The following ACBD6 variants were observed in gnomAD, a reference collection of about 807,000 sequenced individuals.
ACBD6 encodes acyl-CoA binding domain containing 6.
ACBD6 carries 28 observed loss-of-function variants against 37.2 expected under a neutral mutation model. The observed-to-expected ratio is 0.75, with a 90% CI of 0.56 to 1.03. ACBD6 has a LOEUF of 1.03. Among genes scored for constraint, ACBD6 ranks in the 50% least tolerant of loss-of-function variants. The pLI is 0.00. For missense variants in ACBD6, 340 were observed against 337.4 expected (o/e 1.01, Z -0.06); for synonymous variants, 113 against 126.8 (o/e 0.89, Z 0.73).
At chr1:180,298,629 T>C (rs1571330964) in intron 7 of ACBD6, among the ~76,000 whole-genome samples, 1 of 152,226 alleles carries the variant, frequency 6.6e-6, no homozygotes, top group Non-Finnish European at 1.5e-5. Context: ...AAATGCTACC[T>C]GAGGCTAATA....
intron 3 of ACBD6, among the ~76,000 whole-genome samples, chr1:180,479,692 A>G (rs1045943897): frequency 2.0e-5 from 3 of 152,220 alleles, no homozygotes; most frequent in East Asian, 1.9e-4. Context: ...GGTACCCCAT[A>G]TATTTGTAGG....
At chr1:180,392,137 TCAGGG>T (rs1654100528) in intron 6 of ACBD6, among the ~76,000 whole-genome samples, 2 of 152,250 alleles carry the variant, frequency 1.3e-5, no homozygotes, top group African/African-American at 2.4e-5. Context: ...AATAGTCACC[TCAGGG>T]TGGAAGTGAA....
chr1:180,323,112 G>A, intron 6 of ACBD6, among the ~76,000 whole-genome samples: 1 of 151,756 alleles, frequency 6.6e-6, no homozygotes, highest in Non-Finnish European at 1.5e-5. Flanking sequence ...TTGACTCACT[G>A]GTCATTCAGG....
chr1:180,364,997 T>C (rs1231303813), intron 6 of ACBD6, among the ~76,000 whole-genome samples: 1 of 152,128 alleles, frequency 6.6e-6, no homozygotes, highest in African/African-American at 2.4e-5. Flanking sequence ...CCTCCCAAAG[T>C]GCTGGGATTA....
intron 3 of ACBD6, among the ~76,000 whole-genome samples, chr1:180,474,501 T>C (rs140560430): frequency 9.3e-4 from 142 of 152,182 alleles, no homozygotes; most frequent in Admixed American, 1.8e-3. Context: ...GAGAAAATAA[T>C]TCAGGTATCT....
intron 3 of ACBD6, among the ~76,000 whole-genome samples, chr1:180,456,658 T>C (rs761202609): frequency 2.2e-4 from 34 of 152,226 alleles, no homozygotes; most frequent in South Asian, 6.2e-4. Context: ...TTTCCACCTA[T>C]ACTTTCCAAC....
At chr1:180,499,298 T>C (rs1478105719) in intron 1 of ACBD6, among the ~76,000 whole-genome samples, 2 of 152,214 alleles carry the variant, frequency 1.3e-5, no homozygotes, top group Non-Finnish European at 2.9e-5. Context: ...TCTCACAATT[T>C]TGTCAAAAAT....
At position 180,397,665 on chromosome 1, in the gene ACBD6, T is replaced by C. The variant is rs12078865; in HGVS notation, c.574-60A>G. 1.5e-3 allele frequency: 1,990 copies of C among 1,343,970 alleles called. 19 individuals are homozygous for C. The African/African-American group carries it at 0.024, about 17-fold the overall frequency. The allele number at this position is 1,343,970 out of a possible 1,614,324, so 83.3% of individuals were successfully genotyped here. A position where few individuals can be genotyped will look rare whatever the true frequency, so the allele number is the denominator to read the frequency against. ...CAGTTGTGGAGCCATGTAAAAGATA[T>C]AATGTTTTAAGAAAGACAAGGAAAT... On this transcript the variant is annotated intron_variant, in intron 5 of 7. Transcript: ENST00000367595.
chr1:180,271,636 C>A, exon 14 of ACBD6: 1 of 1,479,614 alleles, frequency 6.8e-7, no homozygotes, highest in Non-Finnish European at 9.4e-7. Flanking sequence ...GGGCTCAGGG[C>A]TTGACCCCAG....
At chr1:180,473,503 G>C (rs1402978868) in intron 3 of ACBD6, among the ~76,000 whole-genome samples, 1 of 151,204 alleles carries the variant, frequency 6.6e-6, no homozygotes, top group Non-Finnish European at 1.5e-5. Context: ...GTGGAGGGGA[G>C]GGCGATGGGG....
chr1:180,395,247 G>T (rs1654215189), intron 6 of ACBD6, among the ~76,000 whole-genome samples: 1 of 152,080 alleles, frequency 6.6e-6, no homozygotes. Context: ...GAAGGATGCT[G>T]GTGTTTAGTG....
At chr1:180,315,893 T>C (rs1650781121) in intron 6 of ACBD6, among the ~76,000 whole-genome samples, 1 of 151,910 alleles carries the variant, frequency 6.6e-6, no homozygotes, top group South Asian at 2.1e-4. Context: ...GGAGTCAGGG[T>C]AGGGTACACT....
intron 6 of ACBD6, among the ~76,000 whole-genome samples, chr1:180,331,535 C>T (rs1448454784): frequency 6.6e-6 from 1 of 152,164 alleles, no homozygotes; most frequent in Non-Finnish European, 1.5e-5. Flanking sequence ...AAGAATTTCT[C>T]CCACAGCACA....
chr1:180,395,958 C>T (rs774569954), intron 6 of ACBD6, among the ~76,000 whole-genome samples: 5 of 152,072 alleles, frequency 3.3e-5, no homozygotes, highest in East Asian at 1.9e-4. Context: ...AAATAATATT[C>T]GGCTTTAAAA....
intron 3 of ACBD6, among the ~76,000 whole-genome samples, chr1:180,469,450 A>G (rs1650473140): frequency 1.3e-5 from 2 of 152,216 alleles, no homozygotes; most frequent in Non-Finnish European, 1.5e-5. Context: ...GTGAGCCTGA[A>G]AACAATATAG....
chr1:180,428,590 A>T (rs1648691981), intron 4 of ACBD6, among the ~76,000 whole-genome samples: 1 of 152,202 alleles, frequency 6.6e-6, no homozygotes, highest in Non-Finnish European at 1.5e-5. Flanking sequence ...ACTGGAGTAC[A>T]TTTGATTTGC....
chr1:180,483,904 A>C (rs754288184), intron 3 of ACBD6, among the ~76,000 whole-genome samples: 6 of 152,236 alleles, frequency 3.9e-5, no homozygotes, highest in Non-Finnish European at 7.3e-5. Flanking sequence ...TCTTCTCCAA[A>C]GAGCTATGGA....
At chr1:180,332,116 G>C (rs1558253156) in intron 6 of ACBD6, among the ~76,000 whole-genome samples, 1 of 152,134 alleles carries the variant, frequency 6.6e-6, no homozygotes. Context: ...AAGAGGCAAA[G>C]GATTCTCCCC....
At chr1:180,289,673 CATTA>C (rs1649626832) in intron 7 of ACBD6, among the ~76,000 whole-genome samples, 1 of 152,134 alleles carries the variant, frequency 6.6e-6, no homozygotes, top group Admixed American at 6.5e-5. Flanking sequence ...CCCAAACGCT[CATTA>C]ATGGTAACAT....
Sources: gnomAD v4.1 joint callset for allele counts (sites outside exome capture counted in the v4.1 genomes callset) on GRCh38, gnomAD v4.1.1 for gene constraint, MANE v1.5 for transcripts, NCBI Gene and HGNC (gene_info 2026-07-23, HGNC 2026-07-21) for gene names.